The following KIAA1549L variants were observed in gnomAD, a reference collection of about 807,000 sequenced individuals.
KIAA1549L encodes the protein KIAA1549 like.
KIAA1549L carries 88 observed loss-of-function variants against 160.7 expected under a neutral mutation model. The observed-to-expected ratio is 0.55, with a 90% CI of 0.46 to 0.65. The LOEUF (loss-of-function observed/expected upper bound fraction) is 0.65, where lower values mean the gene tolerates loss of function less well. Among genes scored for constraint, KIAA1549L ranks in the 30% least tolerant of loss-of-function variants. The pLI is 0.00. For missense variants in KIAA1549L, 2,258 were observed against 2,437.5 expected (o/e 0.93, Z 1.55); for synonymous variants, 950 against 976.7 (o/e 0.97, Z 0.51).
chr11:33,591,183 GTTA>G, intron 11 of KIAA1549L, 51 bp from the exon 12 acceptor site: 1 of 1,341,322 alleles, frequency 7.5e-7, no homozygotes, highest in Non-Finnish European at 1.0e-6. Context: ...TAAAGCCATG[GTTA>G]GAGTCACACT....
chr11:33,571,814 T>G (rs890324635), intron 9 of KIAA1549L, among the ~76,000 whole-genome samples: 1 of 152,104 alleles, frequency 6.6e-6, no homozygotes, highest in Admixed American at 6.6e-5. Context: ...TCTTATCAAG[T>G]GTTCTTTTGA....
At chr11:33,514,974 A>G (rs192703708) in intron 1 of KIAA1549L, among the ~76,000 whole-genome samples, 123 of 152,354 alleles carry the variant, frequency 8.1e-4, no homozygotes, top group African/African-American at 2.9e-3. Flanking sequence ...AGTTTTGCAT[A>G]TATGAATTTG....
At chr11:33,632,640 A>G (rs1851328693) in intron 16 of KIAA1549L, among the ~76,000 whole-genome samples, 1 of 151,800 alleles carries the variant, frequency 6.6e-6, no homozygotes, top group African/African-American at 2.4e-5. Context: ...GTACAGTGAC[A>G]TAATCACAGC....
rs142858791 is a variant in KIAA1549L, at chr11:33,632,002, A to C, written c.5409+13340A>C. On this transcript the variant is annotated intron_variant, in intron 16 of 20. Transcript: ENST00000658780. The stretch of plus-strand genomic sequence containing the variant: ...TCTAGCTCTGAGCCAAATACACATT[A>C]GATTTGACGGAATATCAAAACCATA... Among the ~76,000 whole-genome samples, 237 of 152,348 alleles carry C rather than the reference A, an allele frequency of 1.6e-3. 1 individual carries two copies. Among genetic ancestry groups the C allele is most frequent in the African/African-American group, 5.3e-3 (219 of 41,578 alleles).
intron 1 of KIAA1549L, among the ~76,000 whole-genome samples, chr11:33,529,978 C>T (rs186338413): frequency 1.1e-3 from 171 of 152,166 alleles, no homozygotes; most frequent in African/African-American, 4.1e-3. Flanking sequence ...TCTCTAGGCC[C>T]CTATTACTGC....
intron 1 of KIAA1549L, among the ~76,000 whole-genome samples, chr11:33,405,606 G>A (rs939009092): frequency 1.8e-4 from 27 of 151,062 alleles, no homozygotes; most frequent in Non-Finnish European, 3.5e-4. Flanking sequence ...CACTTTGGGA[G>A]GCCGAGGTGG....
intron 17 of KIAA1549L, among the ~76,000 whole-genome samples, chr11:33,651,658 A>G (rs1033741538): frequency 5.3e-5 from 8 of 152,010 alleles, no homozygotes; most frequent in African/African-American, 1.9e-4. Flanking sequence ...GCCACCCTGG[A>G]GGTTTATCTT....
intron 1 of KIAA1549L, among the ~76,000 whole-genome samples, chr11:33,536,848 C>T (rs1329556014): frequency 6.6e-6 from 1 of 152,260 alleles, no homozygotes; most frequent in East Asian, 1.9e-4. Context: ...TGGACCACTG[C>T]AGGTGTTTTC....
intron 1 of KIAA1549L, among the ~76,000 whole-genome samples, chr11:33,454,098 G>C (rs1010915114): frequency 6.6e-6 from 1 of 152,144 alleles, no homozygotes; most frequent in Non-Finnish European, 1.5e-5. Context: ...TAAAATACCT[G>C]ACCCATCTGT....
At chr11:33,401,918 A>G (rs1168965620) in intron 1 of KIAA1549L, among the ~76,000 whole-genome samples, 1 of 152,222 alleles carries the variant, frequency 6.6e-6, no homozygotes, top group Non-Finnish European at 1.5e-5. Context: ...GGTGGGTGGC[A>G]TGAGTGAGCC....
chr11:33,471,229 T>G (rs1290827028), intron 1 of KIAA1549L, among the ~76,000 whole-genome samples: 1 of 151,914 alleles, frequency 6.6e-6, no homozygotes, highest in African/African-American at 2.4e-5. Flanking sequence ...TTTTTTTTTT[T>G]TTTTCAACAT....
intron 1 of KIAA1549L, among the ~76,000 whole-genome samples, chr11:33,482,830 A>C (rs1402676705): frequency 6.6e-6 from 1 of 152,020 alleles, no homozygotes; most frequent in East Asian, 1.9e-4. Flanking sequence ...TCACCTCCTA[A>C]AGTGCTAGGA....
intron 1 of KIAA1549L, among the ~76,000 whole-genome samples, chr11:33,454,607 A>G (rs772474496): frequency 8.5e-5 from 13 of 152,160 alleles, no homozygotes; most frequent in Non-Finnish European, 1.6e-4. Flanking sequence ...TTCAGGGAAG[A>G]TTAAATTATG....
chr11:33,584,060 C>T (rs1855732314), intron 11 of KIAA1549L, among the ~76,000 whole-genome samples: 2 of 152,154 alleles, frequency 1.3e-5, no homozygotes, highest in Non-Finnish European at 2.9e-5. Flanking sequence ...GAGATTAATG[C>T]CCTTAGAAAG....
intron 1 of KIAA1549L, among the ~76,000 whole-genome samples, chr11:33,456,366 C>G (rs1046785669): frequency 2.0e-5 from 3 of 152,048 alleles, no homozygotes; most frequent in African/African-American, 7.2e-5. Flanking sequence ...ATTGAACAAG[C>G]TGGACTTGGT....
chr11:33,490,673 C>T (rs1405254034), intron 1 of KIAA1549L, among the ~76,000 whole-genome samples: 3 of 152,178 alleles, frequency 2.0e-5, no homozygotes, highest in African/African-American at 4.8e-5. Context: ...TGTAAAATGC[C>T]TCCCTTCCCC....
At chr11:33,407,274 C>T (rs1373789238) in intron 1 of KIAA1549L, among the ~76,000 whole-genome samples, 1 of 151,228 alleles carries the variant, frequency 6.6e-6, no homozygotes, top group Admixed American at 6.6e-5. Flanking sequence ...TTAGTAGAGA[C>T]GGCGTTTCAC....
chr11:33,658,779 G>A lies in KIAA1549L; in HGVS notation c.5888G>A (p.Arg1963Lys), dbSNP rs770702068. ...RSTSDIGSKT[R>K]MAESTGPEPA... ...ACCTCAGACATCGGCAGCAAGACCA[G>A]AATGGCCGAGTCTACAGGGCCCGAG... Residue 1963 changes from arginine (R) to lysine (K), a missense_variant, in exon 19 of 21, where the codon AGA (arginine) becomes AAA (lysine). This residue lies in a region of KIAA1549L where 1,359 missense variants were observed against 1,546.6 expected (regional missense o/e 0.88). Transcript: ENST00000658780. 6.4e-7 allele frequency: 1 copy of A among 1,571,080 alleles called. No individual in the cohort carries two copies. Among genetic ancestry groups the A allele is most frequent in the South Asian group, 1.2e-5 (1 of 84,948 alleles).
Position 33,542,481 on chromosome 11 carries a change from C to T in KIAA1549L, c.918C>T (p.Ala306=). 1 of 1,613,338 alleles carries T rather than the reference C, an allele frequency of 6.2e-7. No homozygotes were observed. The highest frequency in any genetic ancestry group is 8.5e-7 in the Non-Finnish European group (1 of 1,179,524). The change falls in exon 2 of 21, where the codon GCC becomes GCT. Residue 306 remains alanine (A), a synonymous_variant. Transcript: ENST00000658780. ...TGGACCACACTGCATCCCAAAATGC[C>T]CAGGATCTCATAGGCATCCCTCATC... ...DEMDHTASQN[A]QDLIGIPHLG...
Sources: allele counts gnomAD v4.1 joint callset (sites outside exome capture counted in the v4.1 genomes callset), GRCh38; gene constraint gnomAD v4.1.1; regional missense constraint gnomAD v4.1.1; transcripts MANE v1.5; gene names NCBI Gene and HGNC (gene_info 2026-07-23, HGNC 2026-07-21).